The following OCLN variants were observed in gnomAD, a reference collection of about 807,000 sequenced individuals.
OCLN encodes the protein occludin, also known as phosphatase 1, regulatory subunit 115.
In OCLN, 21 loss-of-function variants were observed where a neutral mutation model predicts 47.9. That is an observed-to-expected ratio of 0.44 (90% CI 0.31 to 0.63). The LOEUF is 0.63. OCLN is among the 30% of genes least tolerant of loss of function. The pLI is 0.08. For missense variants in OCLN, 360 were observed against 571.0 expected (o/e 0.63, Z 3.77); for synonymous variants, 117 against 198.4 (o/e 0.59, Z 3.45).
At chr5:69,519,891 A>C (rs900268194) in intron 4 of OCLN, among the ~76,000 whole-genome samples, 2 of 152,184 alleles carry the variant, frequency 1.3e-5, no homozygotes, top group Non-Finnish European at 2.9e-5. Flanking sequence ...AGTTGAAAAA[A>C]ATCCACGTAT....
At chr5:69,513,459 G>A (rs1365924233) in intron 3 of OCLN, among the ~76,000 whole-genome samples, 1 of 152,312 alleles carries the variant, frequency 6.6e-6, no homozygotes, top group Non-Finnish European at 1.5e-5. Context: ...TTTACATTCA[G>A]TGTAAAAAGG....
At position 69,509,627 on chromosome 5, in the gene OCLN, T is replaced by C; in HGVS notation, c.537T>C (p.Ser179=). The change falls in exon 3 of 9, where the codon AGT becomes AGC. Residue 179 remains serine, a synonymous_variant. Coordinates refer to ENST00000396442, the MANE Select transcript of OCLN (RefSeq NM_001205254.2). Reference sequence around the variant, plus strand: ...ACTACTTAAGTGTGATAATAGTGAGTGCTATCCTGGGCATCATGGTGTTTA... The same window carrying C: ...ACTACTTAAGTGTGATAATAGTGAGCGCTATCCTGGGCATCATGGTGTTTA... The part of the protein sequence containing the change: ...RRYYLSVIIV[S]AILGIMVFIA... 1 of 1,614,178 alleles carries C rather than the reference T, an allele frequency of 6.2e-7. No individual in the cohort carries two copies. Among genetic ancestry groups the C allele is most frequent in the Non-Finnish European group, 8.5e-7 (1 of 1,180,026 alleles).
chr5:69,529,335 A>G (rs1769367826), intron 4 of OCLN, among the ~76,000 whole-genome samples: 2 of 152,188 alleles, frequency 1.3e-5, no homozygotes, highest in African/African-American at 4.8e-5. Context: ...GTCACAAAGA[A>G]TTTTTTCACA....
chr5:69,527,318 G>A (rs1002156386), intron 4 of OCLN, among the ~76,000 whole-genome samples: 4 of 151,748 alleles, frequency 2.6e-5, no homozygotes, highest in African/African-American at 2.4e-5. Context: ...AGGCACTCAC[G>A]TGCAGCCTCT....
chr5:69,515,645 C>T (rs1352840598), intron 4 of OCLN, among the ~76,000 whole-genome samples: 2 of 151,296 alleles, frequency 1.3e-5, no homozygotes, highest in South Asian at 4.2e-4. Flanking sequence ...CTGACCCCCC[C>T]ACCTCCCTCC....
intron 1 of OCLN, among the ~76,000 whole-genome samples, chr5:69,500,282 T>C (rs1768419687): frequency 6.6e-6 from 1 of 152,148 alleles, no homozygotes. Context: ...GGATTCTTTC[T>C]CTCTGCATTC....
chr5:69,548,893 G>A (rs1409483277), intron 7 of OCLN, among the ~76,000 whole-genome samples: 1 of 150,954 alleles, frequency 6.6e-6, no homozygotes, highest in African/African-American at 2.4e-5. Flanking sequence ...CTGGGATGGG[G>A]GAGGTTGCAG....
chr5:69,516,244 C>T (rs923445921), intron 4 of OCLN, among the ~76,000 whole-genome samples: 19 of 152,228 alleles, frequency 1.2e-4, no homozygotes, highest in African/African-American at 1.7e-4. Context: ...TCTGCAATCC[C>T]GGCACCTTGG....
chr5:69,533,098 C>T (rs1275671776), intron 4 of OCLN, among the ~76,000 whole-genome samples: 1 of 139,268 alleles, frequency 7.2e-6, no homozygotes, highest in Non-Finnish European at 1.5e-5. Flanking sequence ...TACACACACA[C>T]ACACACACAC....
intron 4 of OCLN, among the ~76,000 whole-genome samples, chr5:69,528,409 G>GCA (rs1329280598): frequency 1.3e-4 from 6 of 46,270 alleles, no homozygotes; most frequent in Middle Eastern, 6.6e-3. Context: ...CTAAACAAAG[G>GCA]CATGAAACAT....
At position 69,514,029 on chromosome 5, in the gene OCLN, A is replaced by G. The variant is rs559132071; in HGVS notation, c.811A>G (p.Met271Val). ...IFFAVKTRRK[M>V]DRYDKSNILW... ...CTTTGCTGTGAAAACTCGAAGAAAG[A>G]TGGACAGGTATGACAAGTCCAATAT... The change falls in exon 4 of 9, where the codon ATG becomes GTG. Residue 271 changes from methionine (M) to valine (V), a missense_variant. Met to Val is a conservative substitution (Grantham distance 21, BLOSUM62 1). Transcript: ENST00000396442. 6 of 1,613,406 alleles carry G rather than the reference A, an allele frequency of 3.7e-6. No homozygotes were observed. In the East Asian group the frequency reaches 1.1e-4, roughly 30 times the overall value.
chr5:69,522,967 G>C (rs1047180550), intron 4 of OCLN, among the ~76,000 whole-genome samples: 2 of 143,192 alleles, frequency 1.4e-5, no homozygotes, highest in Non-Finnish European at 3.0e-5. Context: ...AACTCATGCA[G>C]TTCTCCTGCC....
chr5:69,498,206 G>C (rs912860336), intron 1 of OCLN, among the ~76,000 whole-genome samples: 2 of 152,012 alleles, frequency 1.3e-5, no homozygotes, highest in Non-Finnish European at 2.9e-5. Context: ...TAAAAATTCA[G>C]TTTATGGCTG....
intron 4 of OCLN, among the ~76,000 whole-genome samples, chr5:69,531,077 T>C (rs1223862753): frequency 3.9e-5 from 6 of 152,220 alleles, no homozygotes; most frequent in Non-Finnish European, 5.9e-5. Flanking sequence ...AAAGGAACGA[T>C]ATTTGCCTGT....
At chr5:69,505,210 A>G (rs950593384) in intron 2 of OCLN, among the ~76,000 whole-genome samples, 6 of 152,194 alleles carry the variant, frequency 3.9e-5, no homozygotes, top group African/African-American at 7.2e-5. Flanking sequence ...AGATGGCGCC[A>G]TTGCACTCTA....
In OCLN at chr5:69,513,869, G is replaced by C; in HGVS notation, c.730-79G>C. On this transcript the variant is annotated intron_variant, in intron 3 of 8. Coordinates refer to ENST00000396442, the MANE Select transcript of OCLN (RefSeq NM_001205254.2). Reference sequence around the variant, plus strand: ...TAGTAGGGCCTTAGGGTAGATAAGGGTTTTAATAATATGTAGAGGGTGAAT... The same window carrying C: ...TAGTAGGGCCTTAGGGTAGATAAGGCTTTTAATAATATGTAGAGGGTGAAT... 1.1e-5 allele frequency: 14 copies of C among 1,236,700 alleles called. No homozygotes were observed. In the South Asian group the frequency reaches 1.6e-4, roughly 14 times the overall value. 76.6% of individuals were successfully genotyped at this position (1,236,700 alleles called of 1,614,324 possible).
At chr5:69,511,335 G>A (rs1455253045) in intron 3 of OCLN, among the ~76,000 whole-genome samples, 2 of 151,420 alleles carry the variant, frequency 1.3e-5, no homozygotes, top group African/African-American at 4.9e-5. Context: ...CGCCCGCCTC[G>A]GCCTCCAAAG....
At chr5:69,512,028 A>AG (rs1246043474) in intron 3 of OCLN, among the ~76,000 whole-genome samples, 15 of 50,646 alleles carry the variant, frequency 3.0e-4, no homozygotes, top group Non-Finnish European at 5.2e-4. Context: ...TGTCTCAAAA[A>AG]AAAAAAAAAA....
At chr5:69,517,695 A>C (rs1251955835) in intron 4 of OCLN, among the ~76,000 whole-genome samples, 1 of 152,138 alleles carries the variant, frequency 6.6e-6, no homozygotes, top group East Asian at 1.9e-4. Flanking sequence ...TAAGGAGCAA[A>C]AATGAAGCAG....
Sources: allele counts gnomAD v4.1 joint callset (sites outside exome capture counted in the v4.1 genomes callset), GRCh38; gene constraint gnomAD v4.1.1; transcripts MANE v1.5; gene names NCBI Gene and HGNC (gene_info 2026-07-23, HGNC 2026-07-21).